Variants in CDH4 observed in about 807,000 individuals in gnomAD.
CDH4 encodes cadherin-4.
CDH4 carries 33 observed loss-of-function variants against 86.0 expected under a neutral mutation model. The ratio of observed to expected loss-of-function variants is 0.38; its 90% CI spans 0.29 to 0.51. The LOEUF is 0.51. Ranked by LOEUF, CDH4 falls within the 20% of genes least tolerant of loss-of-function variation. CDH4 has a pLI of 0.86. For synonymous variants in CDH4, 555 were observed against 549.4 expected (o/e 1.01, Z -0.14); for missense variants, 1,114 against 1,307.4 (o/e 0.85, Z 2.28).
intron 4 of CDH4, among the ~76,000 whole-genome samples, chr20:61,793,713 A>ATG (rs1979347003): frequency 6.6e-6 from 1 of 151,660 alleles, no homozygotes; most frequent in Non-Finnish European, 1.5e-5. Context: ...GGTGGCAGAC[A>ATG]CCTGTAATCC....
intron 2 of CDH4, among the ~76,000 whole-genome samples, chr20:61,400,388 C>T (rs2085042934): frequency 6.6e-6 from 1 of 152,164 alleles, no homozygotes; most frequent in African/African-American, 2.4e-5. Context: ...GAAAGTGATG[C>T]TGCACTGGGG....
chr20:61,394,372 A>T (rs2085003797), intron 2 of CDH4, among the ~76,000 whole-genome samples: 1 of 152,222 alleles, frequency 6.6e-6, no homozygotes, highest in Non-Finnish European at 1.5e-5. Context: ...GGTGAGCAGC[A>T]GCAGCAACCC....
At chr20:61,863,323 G>A (rs1214728650) in intron 6 of CDH4, among the ~76,000 whole-genome samples, 1 of 152,204 alleles carries the variant, frequency 6.6e-6, no homozygotes, top group South Asian at 2.1e-4. Context: ...CTGCTTCCTT[G>A]ATGGGGAAAT....
At position 61,653,745 on chromosome 20, in the gene CDH4, C is replaced by T. The variant is rs1351022803; in HGVS notation, c.170-89818C>T. Among the ~76,000 whole-genome samples, 5 of 105,498 alleles carry T rather than the reference C, an allele frequency of 4.7e-5. 1 individual carries two copies. Among genetic ancestry groups the T allele is most frequent in the South Asian group, 6.0e-4 (2 of 3,340 alleles). 69.2% of individuals were successfully genotyped at this position (105,498 alleles called of 152,430 possible). On this transcript the variant is annotated intron_variant, in intron 2 of 15. Transcript: ENST00000614565. ...GCAGAGGCGCTCCTCACATCCCAGA[C>T]GGGGCGGCGGGGCAGAGGCGCTCCC...
intron 4 of CDH4, among the ~76,000 whole-genome samples, chr20:61,790,815 TCCACCCAC>T (rs931109876): frequency 7.4e-6 from 1 of 135,564 alleles, no homozygotes; most frequent in Non-Finnish European, 1.5e-5. Flanking sequence ...CATCCATCCA[TCCACCCAC>T]CCACCCACCA....
At chr20:61,834,185 A>T (rs1227554876) in intron 4 of CDH4, among the ~76,000 whole-genome samples, 1 of 152,168 alleles carries the variant, frequency 6.6e-6, no homozygotes, top group East Asian at 1.9e-4. Context: ...GCCAGGGCTG[A>T]CGGCAACCTC....
Position 61,929,627 on chromosome 20 carries a change from G to A in CDH4, c.2024G>A (p.Ser675Asn), listed in dbSNP as rs773808564. ...TRLNGDYAQL[S>N]LRILYLEAGM... ...GCACCAGGTGACTATGCCCAACTCA[G>A]CTTGCGCATCCTGTACCTGGAGGCC... is the stretch of plus-strand genomic sequence containing the variant. Residue 675 changes from serine (S) to asparagine (N), a missense_variant, in exon 13 of 16, where the codon AGC becomes AAC. By Grantham distance (46) the Ser-to-Asn change is conservative. Around this residue, in one of 3 missense-constraint regions of CDH4, gnomAD observed 705 missense variants for 914.1 expected, o/e 0.77. Coordinates refer to ENST00000614565, the MANE Select transcript of CDH4 (RefSeq NM_001794.5). 19 of 1,613,894 alleles carry A rather than the reference G, an allele frequency of 1.2e-5. No homozygotes were observed. The highest frequency in any genetic ancestry group is 8.9e-5 in the East Asian group (4 of 44,884).
intron 6 of CDH4, among the ~76,000 whole-genome samples, chr20:61,859,260 T>G (rs1324583817): frequency 6.6e-6 from 1 of 152,248 alleles, no homozygotes; most frequent in Non-Finnish European, 1.5e-5. Flanking sequence ...ATTCTTTTAC[T>G]GTTGAGTTTT....
At chr20:61,789,073 C>A (rs1979027457) in intron 4 of CDH4, among the ~76,000 whole-genome samples, 1 of 152,236 alleles carries the variant, frequency 6.6e-6, no homozygotes, top group East Asian at 1.9e-4. Context: ...CAGAAAGTCT[C>A]GTCTGACACA....
At chr20:61,643,973 C>G (rs2087036574) in intron 2 of CDH4, among the ~76,000 whole-genome samples, 1 of 152,244 alleles carries the variant, frequency 6.6e-6, no homozygotes, top group African/African-American at 2.4e-5. Context: ...TAGAATTCAA[C>G]TCTGAATACA....
chr20:61,278,607 A>G (rs1312221275), intron 2 of CDH4, among the ~76,000 whole-genome samples: 1 of 152,238 alleles, frequency 6.6e-6, no homozygotes, highest in African/African-American at 2.4e-5. Context: ...GCTTCCCTTT[A>G]GAGTCTCCCT....
At chr20:61,358,709 T>G (rs538848396) in intron 2 of CDH4, among the ~76,000 whole-genome samples, 77 of 152,314 alleles carry the variant, frequency 5.1e-4, no homozygotes, top group African/African-American at 1.7e-3. Context: ...ATTTGCCTGT[T>G]TTTGAAGGCT....
At chr20:61,272,766 G>A (rs2084189964) in intron 2 of CDH4, among the ~76,000 whole-genome samples, 3 of 150,226 alleles carry the variant, frequency 2.0e-5, no homozygotes, top group Admixed American at 2.0e-4. Flanking sequence ...ACCATGCGTA[G>A]TTTGGGGGAG....
intron 2 of CDH4, among the ~76,000 whole-genome samples, chr20:61,733,067 G>T (rs956828314): frequency 2.9e-5 from 2 of 69,488 alleles, no homozygotes; most frequent in Non-Finnish European, 5.2e-5. Flanking sequence ...GTGAGATGAC[G>T]CATGGACAGA....
chr20:61,812,998 G>A (rs1980516749), intron 4 of CDH4, among the ~76,000 whole-genome samples: 1 of 152,232 alleles, frequency 6.6e-6, no homozygotes. Context: ...CCCTGCCGAG[G>A]CTCTCCGGGC....
Position 61,329,672 on chromosome 20 carries a change from CT to C in CDH4, c.169+74738del, listed in dbSNP as rs1464209838. Among the ~76,000 whole-genome samples, 6 of 96,480 alleles carry C rather than the reference CT, an allele frequency of 6.2e-5. No individual in the cohort carries two copies. The South Asian group carries it at 1.7e-3, about 28-fold the overall frequency. 63.3% of individuals were successfully genotyped at this position (96,480 alleles called of 152,430 possible). The stretch of plus-strand genomic sequence containing the variant: ...GGATTCCGCAGACCCTGGATTGTCA[CT>C]TTAAAAAAAAAATTAATTTAATGTA... On this transcript the variant is annotated intron_variant, in intron 2 of 15. Transcript: ENST00000614565.
At chr20:61,294,618 G>A (rs2084342048) in intron 2 of CDH4, among the ~76,000 whole-genome samples, 3 of 152,212 alleles carry the variant, frequency 2.0e-5, no homozygotes, top group African/African-American at 7.2e-5. Context: ...GCTGGACACT[G>A]CTCTTTCCCC....
At chr20:61,386,525 C>T (rs1054556175) in intron 2 of CDH4, among the ~76,000 whole-genome samples, 1 of 152,086 alleles carries the variant, frequency 6.6e-6, no homozygotes, top group Admixed American at 6.6e-5. Flanking sequence ...TGGAATGATG[C>T]GGGGGGCCTG....
intron 2 of CDH4, among the ~76,000 whole-genome samples, chr20:61,403,851 C>G (rs1037929610): frequency 6.6e-6 from 1 of 152,190 alleles, no homozygotes; most frequent in Non-Finnish European, 1.5e-5. Flanking sequence ...AATAGCTTGT[C>G]CCCTTTGTCT....
Sources: allele counts gnomAD v4.1 joint callset (sites outside exome capture counted in the v4.1 genomes callset), GRCh38; gene constraint gnomAD v4.1.1; regional missense constraint gnomAD v4.1.1; transcripts MANE v1.5; gene names NCBI Gene and HGNC (gene_info 2026-07-23, HGNC 2026-07-21).